The following CCDC144A variants were observed in gnomAD, a reference collection of about 807,000 sequenced individuals.
CCDC144A encodes coiled-coil domain containing 144A, also known as coiled-coil domain-containing protein 144A.
Under a neutral mutation model 143.8 loss-of-function variants are expected in CCDC144A, and 41 were observed. The ratio of observed to expected loss-of-function variants is 0.29; its 90% CI spans 0.22 to 0.37. The LOEUF is 0.37. Among genes scored for constraint, CCDC144A ranks in the 10% least tolerant of loss-of-function variants. The pLI is 1.00. For missense variants in CCDC144A, 637 were observed against 1,488.8 expected (o/e 0.43, Z 9.41); for synonymous variants, 242 against 517.9 (o/e 0.47, Z 7.23).
intron 12 of CCDC144A, among the ~76,000 whole-genome samples, chr17:16,753,428 G>GTTTTTTTTTTTTTTTTTTTTTTTT: frequency 1.2e-4 from 7 of 57,376 alleles, no homozygotes; most frequent in East Asian, 8.2e-4. Flanking sequence ...GTGTTTTGTA[G>GTTTTTTTTTTTTTTTTTTTTTTTT]TTTTTTTTTT....
chr17:16,668,714 A>G, the CCDC144A span, among the ~76,000 whole-genome samples: 1 of 152,192 alleles, frequency 6.6e-6, no homozygotes, highest in Non-Finnish European at 1.5e-5. Context: ...GTATTAGTCT[A>G]CTCAGGCTGT....
In CCDC144A at chr17:16,711,695, A is replaced by C; in HGVS notation, c.1595A>C (p.Glu532Ala). 6.2e-7 allele frequency: 1 copy of C among 1,603,494 alleles called. No individual in the cohort carries two copies. Among genetic ancestry groups the C allele is most frequent in the Non-Finnish European group, 8.5e-7 (1 of 1,173,238 alleles). ...QLHKDVEEEM[E>A]KHRSNSTELS... ...TCACTCAAGGTTGAAGAAGAAATGG[A>C]GAAGCACAGAAGTAATAGCACAGAA... Residue 532 changes from glutamate (E) to alanine (A), a missense_variant, in exon 6 of 17, where the codon GAG becomes GCG. Physicochemically the swap from Glu to Ala is moderately radical, Grantham distance 107. Transcript: ENST00000399273.
At chr17:16,671,101 C>T in the CCDC144A span, among the ~76,000 whole-genome samples, 2 of 152,018 alleles carry the variant, frequency 1.3e-5, no homozygotes, top group East Asian at 3.9e-4. Flanking sequence ...ATTCTCCTGC[C>T]TCAGCCTCCC....
At chr17:16,691,481 G>A (rs1246272255) in intron 1 of CCDC144A, among the ~76,000 whole-genome samples, 5 of 151,910 alleles carry the variant, frequency 3.3e-5, no homozygotes, top group Admixed American at 6.6e-5. Flanking sequence ...GAGAGCTTTG[G>A]CAGGGTGCAG....
chr17:16,724,372 C>A (rs1913265603), intron 8 of CCDC144A, among the ~76,000 whole-genome samples: 1 of 152,020 alleles, frequency 6.6e-6, no homozygotes, highest in South Asian at 2.1e-4. Context: ...TCTGTCTCTA[C>A]TAAAAATACA....
chr17:16,694,371 A>C (rs1309695366), intron 2 of CCDC144A, among the ~76,000 whole-genome samples: 1 of 152,234 alleles, frequency 6.6e-6, no homozygotes, highest in African/African-American at 2.4e-5. Flanking sequence ...GCCTGTGTCC[A>C]GAAGTTCCAG....
chr17:16,708,250 T>A (rs1474310106), intron 4 of CCDC144A, among the ~76,000 whole-genome samples: 1 of 152,212 alleles, frequency 6.6e-6, no homozygotes, highest in Non-Finnish European at 1.5e-5. Flanking sequence ...TTACAGTATA[T>A]AATTTAAATT....
intron 15 of CCDC144A, chr17:16,765,691 G>T (rs1318085123): frequency 6.7e-5 from 10 of 150,060 alleles, no homozygotes; most frequent in African/African-American, 2.5e-4. Context: ...GCTTAAAAGG[G>T]AATGCATTAA....
chr17:16,734,220 G>T (rs1242793302), intron 11 of CCDC144A, among the ~76,000 whole-genome samples: 2 of 150,988 alleles, frequency 1.3e-5, no homozygotes, highest in Non-Finnish European at 2.9e-5. Context: ...TAACTGATGA[G>T]AAAAATGTTA....
the CCDC144A span, among the ~76,000 whole-genome samples, chr17:16,677,961 A>G: frequency 1.3e-5 from 2 of 152,036 alleles, no homozygotes; most frequent in Non-Finnish European, 2.9e-5. Context: ...TCCACTTAAA[A>G]CAAGGGATGA....
At chr17:16,724,508 T>C (rs1394686664) in intron 8 of CCDC144A, among the ~76,000 whole-genome samples, 16 of 103,224 alleles carry the variant, frequency 1.6e-4, no homozygotes, top group African/African-American at 6.7e-4. Flanking sequence ...AGACTCCGTC[T>C]CAAAAAAAAA....
At chr17:16,680,269 A>C in the CCDC144A span, among the ~76,000 whole-genome samples, 3 of 152,000 alleles carry the variant, frequency 2.0e-5, no homozygotes, top group East Asian at 5.8e-4. Context: ...CTCTCCAAAA[A>C]ATTACAAAAA....
chr17:16,746,789 G>A, intron 12 of CCDC144A: 3 of 1,523,850 alleles, frequency 2.0e-6, no homozygotes, highest in East Asian at 2.3e-5. Flanking sequence ...CGTTCCCACC[G>A]GGGCGGAGCG....
At chr17:16,755,608 G>A (rs1309250653) in intron 12 of CCDC144A, among the ~76,000 whole-genome samples, 1 of 152,174 alleles carries the variant, frequency 6.6e-6, no homozygotes, top group African/African-American at 2.4e-5. Flanking sequence ...TGCCCTGGCT[G>A]GAGTTCAGTG....
intron 12 of CCDC144A, among the ~76,000 whole-genome samples, chr17:16,741,457 G>A: frequency 6.6e-6 from 1 of 152,204 alleles, no homozygotes; most frequent in African/African-American, 2.4e-5. Flanking sequence ...TGGGGGCTGG[G>A]GTCCAAGGGT....
chr17:16,686,091 GTTTTTTTTT>G (rs67135656), upstream of CCDC144A, among the ~76,000 whole-genome samples: 2 of 114,710 alleles, frequency 1.7e-5, no homozygotes, highest in Non-Finnish European at 3.6e-5. Flanking sequence ...TGTTTTTTTT[GTTTTTTTTT>G]TTTTTTTTTT....
rs772340627 is a variant in CCDC144A at position 16,690,505 on chromosome 17, G to C, written c.105G>C (p.Gln35His). Reference sequence around the variant, plus strand: ...CTAGCGTCGGGAGCCAGGGGGACCAGTGGTACTTGGGCTACCCGGGGGACC... The same window carrying C: ...CTAGCGTCGGGAGCCAGGGGGACCACTGGTACTTGGGCTACCCGGGGGACC... Reference protein sequence around the residue: ...KTPSVGSQGDQWYLGYPGDQW... With the variant: ...KTPSVGSQGDHWYLGYPGDQW... Residue 35 changes from glutamine to histidine, a missense_variant, in exon 1 of 17, where the codon CAG becomes CAC. Physicochemically the swap from Gln to His is conservative, Grantham distance 24. Coordinates refer to ENST00000399273, the MANE Select transcript of CCDC144A (RefSeq NM_001382000.1). The C allele has an allele frequency of 1.9e-6, 3 of 1,611,306 alleles. No individual in the cohort carries two copies. The highest frequency in any genetic ancestry group is 1.1e-5 in the South Asian group (1 of 90,902).
At chr17:16,678,644 G>A in the CCDC144A span, among the ~76,000 whole-genome samples, 1 of 145,174 alleles carries the variant, frequency 6.9e-6, no homozygotes, top group African/African-American at 2.6e-5. Flanking sequence ...GCAGTGGTGT[G>A]ATCACAGCTC....
upstream of CCDC144A, among the ~76,000 whole-genome samples, chr17:16,686,830 G>C (rs1317254980): frequency 6.6e-6 from 1 of 151,654 alleles, no homozygotes; most frequent in African/African-American, 2.4e-5. Context: ...GGAAGGTTCT[G>C]CTGGGGTCCT....
Sources: allele counts gnomAD v4.1 joint callset (sites outside exome capture counted in the v4.1 genomes callset), GRCh38; gene constraint gnomAD v4.1.1; transcripts MANE v1.5; gene names NCBI Gene and HGNC (gene_info 2026-07-23, HGNC 2026-07-21).